TM7SF3: variants seen among roughly 807,000 people sequenced by gnomAD.
TM7SF3 encodes transmembrane 7 superfamily member 3, also known as seven span transmembrane protein.
TM7SF3 carries 60 observed loss-of-function variants against 65.5 expected under a neutral mutation model. That is an observed-to-expected ratio of 0.92 (90% CI 0.74 to 1.14). The LOEUF is 1.14. Among genes scored for constraint, TM7SF3 ranks in the 50% most tolerant of loss-of-function variants. The pLI, the probability that TM7SF3 is intolerant of heterozygous loss-of-function variation, is 0.00. For synonymous variants in TM7SF3, 264 were observed against 259.6 expected (o/e 1.02, Z -0.16); for missense variants, 623 against 684.8 (o/e 0.91, Z 1.01).
chr12:27,008,464 C>T (rs961774334), intron 1 of TM7SF3, among the ~76,000 whole-genome samples: 3 of 152,040 alleles, frequency 2.0e-5, no homozygotes, highest in Admixed American at 1.3e-4. Flanking sequence ...ATATATTCTC[C>T]CACTCTTGTT....
At chr12:26,980,529 C>G (rs763941793) in intron 8 of TM7SF3, 37 bp downstream of exon 8, 1 of 1,081,630 alleles carries the variant, frequency 9.2e-7, no homozygotes, top group East Asian at 2.4e-5. Context: ...CACCTGCCTT[C>G]TTGAATACCC....
At chr12:26,990,086 C>T (rs1940279700) in intron 6 of TM7SF3, among the ~76,000 whole-genome samples, 1 of 152,170 alleles carries the variant, frequency 6.6e-6, no homozygotes, top group African/African-American at 2.4e-5. Flanking sequence ...TGGTACATGC[C>T]ACACCCAGGT....
At chr12:26,983,632 A>G (rs1366240995) in intron 6 of TM7SF3, 1 of 448,390 alleles carries the variant, frequency 2.2e-6, no homozygotes, top group Non-Finnish European at 4.5e-6. Flanking sequence ...CAAAATTGTT[A>G]AGGCTGGATA....
chr12:27,004,239 T>A (rs1267269742), intron 1 of TM7SF3, among the ~76,000 whole-genome samples: 7 of 152,150 alleles, frequency 4.6e-5, no homozygotes, highest in Non-Finnish European at 1.0e-4. Context: ...ATCCTTTAAT[T>A]AGGTTGCTTT....
intron 8 of TM7SF3, 42 bp downstream of exon 8, chr12:26,980,524 G>T: frequency 3.0e-6 from 3 of 997,830 alleles, no homozygotes; most frequent in Non-Finnish European, 4.8e-6. Flanking sequence ...CACAGCACCT[G>T]CCTTCTTGAA....
At chr12:26,987,922 C>A (rs1217759979) in intron 6 of TM7SF3, among the ~76,000 whole-genome samples, 1 of 152,174 alleles carries the variant, frequency 6.6e-6, no homozygotes, top group East Asian at 1.9e-4. Flanking sequence ...GGACACATCA[C>A]TTCCTTTGTA....
intron 5 of TM7SF3, among the ~76,000 whole-genome samples, chr12:26,991,413 A>G (rs1213391592): frequency 6.6e-6 from 1 of 152,006 alleles, no homozygotes; most frequent in Non-Finnish European, 1.5e-5. Context: ...CGGCCTCCCA[A>G]AGTGCTGGGA....
At chr12:26,999,818 C>A in intron 2 of TM7SF3, 142 bp from the exon 3 acceptor site, 2 of 764,168 alleles carry the variant, frequency 2.6e-6, no homozygotes, top group Non-Finnish European at 4.1e-6. Context: ...CCAGGGAATT[C>A]TTTTCATCTC....
chr12:26,994,984 A>C (rs1565879890), intron 5 of TM7SF3, among the ~76,000 whole-genome samples: 1 of 152,156 alleles, frequency 6.6e-6, no homozygotes, highest in South Asian at 2.1e-4. Context: ...TTCCATTCAC[A>C]TTTCAGATTA....
chr12:27,010,662 A>G (rs1941211568), intron 1 of TM7SF3, among the ~76,000 whole-genome samples: 1 of 152,252 alleles, frequency 6.6e-6, no homozygotes, highest in South Asian at 2.1e-4. Flanking sequence ...AGTAGGAGGA[A>G]AAAAGACAGC....
intron 1 of TM7SF3, among the ~76,000 whole-genome samples, chr12:27,009,335 A>T (rs956199104): frequency 2.0e-5 from 3 of 152,132 alleles, no homozygotes; most frequent in African/African-American, 7.2e-5. Flanking sequence ...TATATACATT[A>T]ATTTAGGAAG....
chr12:26,977,554 G>A, intron 9 of TM7SF3, among the ~76,000 whole-genome samples: 1 of 151,216 alleles, frequency 6.6e-6, no homozygotes, highest in Non-Finnish European at 1.5e-5. Flanking sequence ...AGGAGTTTGA[G>A]ACCAGCCTGG....
At chr12:27,010,542 A>G (rs1421584026) in intron 1 of TM7SF3, among the ~76,000 whole-genome samples, 1 of 152,240 alleles carries the variant, frequency 6.6e-6, no homozygotes, top group Admixed American at 6.5e-5. Context: ...ACACATACTC[A>G]AAAAATATCC....
rs937809805 is a variant in TM7SF3, at chr12:26,993,820, C to T, written c.690+1417G>A. ...ACCAACTGGGGAAGAATTAGTTCCTCCTTTAAAAAGGCAAGCTAAATTTCT... is the reference window on the plus strand; with the variant it reads ...ACCAACTGGGGAAGAATTAGTTCCTTCTTTAAAAAGGCAAGCTAAATTTCT... On this transcript the variant is annotated intron_variant, in intron 5 of 11. Transcript: ENST00000343028. 1.5e-4 allele frequency among the ~76,000 whole-genome samples: 23 copies of T among 152,328 alleles called. No individual in the cohort carries two copies. In the East Asian group the frequency reaches 4.2e-3, roughly 28 times the overall value.
At chr12:26,985,707 C>G (rs1018338464) in intron 6 of TM7SF3, among the ~76,000 whole-genome samples, 11 of 136,434 alleles carry the variant, frequency 8.1e-5, no homozygotes, top group Non-Finnish European at 1.7e-4. Context: ...CTGCCAAGGT[C>G]TCTTGCATTG....
In TM7SF3 at chr12:26,975,713, A is replaced by C; in HGVS notation, c.1288-55T>G. 3 of 1,569,322 alleles carry C rather than the reference A, an allele frequency of 1.9e-6. No individual in the cohort carries two copies. In the South Asian group the frequency reaches 3.5e-5, roughly 18 times the overall value. ...ATCCATGTTAGAACAAAAATAGTTT[A>C]TAACTCTCCACTGGCTTCAATCACA... On this transcript the variant is annotated intron_variant, in intron 10 of 11. Coordinates refer to ENST00000343028, the MANE Select transcript of TM7SF3 (RefSeq NM_016551.3).
At chr12:26,987,626 G>T (rs1241442546) in intron 6 of TM7SF3, among the ~76,000 whole-genome samples, 1 of 152,176 alleles carries the variant, frequency 6.6e-6, no homozygotes, top group Admixed American at 6.5e-5. Context: ...CTCAGAGCAG[G>T]ATGGCAACAA....
chr12:27,003,405 A>T lies in TM7SF3; in HGVS notation c.92-15T>A. 1 of 1,600,410 alleles carries T rather than the reference A, an allele frequency of 6.2e-7. No homozygotes were observed. On this transcript the variant is annotated splice_polypyrimidine_tract_variant and intron_variant, in intron 1 of 11. Transcript: ENST00000343028. ...TTCAATAAGACCTACAACGAGATAA[A>T]CTTTTCATTACAACACTTGTACTCT...
chr12:26,999,915 C>T (rs1259250299), intron 2 of TM7SF3: 1 of 442,896 alleles, frequency 2.3e-6, no homozygotes, highest in African/African-American at 1.9e-5. Context: ...TAACAAAGTA[C>T]CACAGGTAAG....
Sources: gnomAD v4.1 joint callset for allele counts (sites outside exome capture counted in the v4.1 genomes callset) on GRCh38, gnomAD v4.1.1 for gene constraint, MANE v1.5 for transcripts, NCBI Gene and HGNC (gene_info 2026-07-23, HGNC 2026-07-21) for gene names.